DLG2: variants seen among roughly 807,000 people sequenced by gnomAD.
The protein encoded by DLG2 is disks large homolog 2.
DLG2 carries 45 observed loss-of-function variants against 132.5 expected under a neutral mutation model. The ratio of observed to expected loss-of-function variants is 0.34; its 90% CI spans 0.27 to 0.44. DLG2 has a LOEUF of 0.44. DLG2 is among the 20% of genes least tolerant of loss of function. DLG2 has a pLI of 1.00. For missense variants in DLG2, 1,045 were observed against 1,196.9 expected (o/e 0.87, Z 1.87); for synonymous variants, 424 against 419.6 (o/e 1.01, Z -0.13).
At chr11:85,317,235 A>G (rs756809031) in intron 3 of DLG2, among the ~76,000 whole-genome samples, 11 of 151,972 alleles carry the variant, frequency 7.2e-5, no homozygotes, top group Non-Finnish European at 1.6e-4. Flanking sequence ...CTGCAGACAT[A>G]GACGGGGCTC....
intron 6 of DLG2, among the ~76,000 whole-genome samples, chr11:84,931,023 T>G (rs1293933002): frequency 6.6e-6 from 1 of 152,022 alleles, no homozygotes; most frequent in Non-Finnish European, 1.5e-5. Flanking sequence ...GTCACTTATT[T>G]AACTGTCACT....
chr11:84,037,950 A>G (rs2095914250), intron 11 of DLG2, among the ~76,000 whole-genome samples: 1 of 151,886 alleles, frequency 6.6e-6, no homozygotes, highest in African/African-American at 2.4e-5. Context: ...CCATTTTTAA[A>G]CTTTGTGTTT....
chr11:84,375,165 A>T (rs1321613198), intron 7 of DLG2, among the ~76,000 whole-genome samples: 1 of 152,194 alleles, frequency 6.6e-6, no homozygotes, highest in Non-Finnish European at 1.5e-5. Flanking sequence ...AACACTTTTC[A>T]TAGTGGACTG....
chr11:85,089,918 C>T (rs1204638386), intron 6 of DLG2, among the ~76,000 whole-genome samples: 35 of 152,128 alleles, frequency 2.3e-4, no homozygotes, highest in Non-Finnish European at 7.4e-5. Context: ...AAAAAGTCAA[C>T]AAGTGACAGA....
chr11:83,625,327 G>A (rs1007262496), intron 19 of DLG2, among the ~76,000 whole-genome samples: 1 of 152,182 alleles, frequency 6.6e-6, no homozygotes, highest in Non-Finnish European at 1.5e-5. Context: ...GAAGCAGCTT[G>A]TACCACTGGA....
intron 15 of DLG2, among the ~76,000 whole-genome samples, chr11:83,891,169 A>G (rs1393186623): frequency 3.3e-5 from 5 of 152,168 alleles, no homozygotes; most frequent in African/African-American, 7.2e-5. Context: ...GGATATTCCT[A>G]GAAAGGTTGT....
At chr11:85,586,444 T>C (rs1365450550) in intron 3 of DLG2, among the ~76,000 whole-genome samples, 1 of 152,200 alleles carries the variant, frequency 6.6e-6, no homozygotes, top group Non-Finnish European at 1.5e-5. Context: ...AAGGGTTGTA[T>C]ATTTCTTGGA....
intron 6 of DLG2, among the ~76,000 whole-genome samples, chr11:84,651,299 A>T (rs911989686): frequency 1.3e-5 from 2 of 152,220 alleles, no homozygotes; most frequent in Admixed American, 6.5e-5. Context: ...TGTTCCAACT[A>T]TAAGAGTTAA....
intron 10 of DLG2, among the ~76,000 whole-genome samples, chr11:84,076,462 T>C (rs1015457291): frequency 6.6e-6 from 1 of 152,170 alleles, no homozygotes; most frequent in Non-Finnish European, 1.5e-5. Context: ...CGATTATTGC[T>C]ACATTTTCAA....
intron 3 of DLG2, among the ~76,000 whole-genome samples, chr11:85,478,575 G>C (rs897108028): frequency 3.3e-5 from 5 of 152,122 alleles, no homozygotes; most frequent in Admixed American, 2.6e-4. Flanking sequence ...TCTACTACTT[G>C]CTAATTATGT....
intron 3 of DLG2, among the ~76,000 whole-genome samples, chr11:85,591,359 C>T (rs1227294429): frequency 6.6e-6 from 1 of 152,182 alleles, no homozygotes; most frequent in Non-Finnish European, 1.5e-5. Context: ...CATTTTGAAT[C>T]CCTGTTCCAG....
intron 3 of DLG2, among the ~76,000 whole-genome samples, chr11:85,513,858 C>A (rs1303161187): frequency 6.6e-6 from 1 of 151,948 alleles, no homozygotes; most frequent in Non-Finnish European, 1.5e-5. Flanking sequence ...TCTCCCAAAT[C>A]CCCCAAATCT....
chr11:84,192,106 G>A (rs2096421090), intron 8 of DLG2, among the ~76,000 whole-genome samples: 1 of 152,066 alleles, frequency 6.6e-6, no homozygotes, highest in African/African-American at 2.4e-5. Context: ...CATGGGACAA[G>A]TAAGAAAACT....
chr11:83,627,049 G>T (rs552786817), intron 19 of DLG2, among the ~76,000 whole-genome samples: 10 of 152,122 alleles, frequency 6.6e-5, no homozygotes, highest in Admixed American at 3.3e-4. Context: ...CCAATTCTGT[G>T]GTCTCTCTGT....
chr11:85,274,934 C>T (rs1247666812), intron 4 of DLG2, among the ~76,000 whole-genome samples: 1 of 152,094 alleles, frequency 6.6e-6, no homozygotes, highest in African/African-American at 2.4e-5. Flanking sequence ...CCCTTTCTGT[C>T]CAGACATATT....
intron 3 of DLG2, among the ~76,000 whole-genome samples, chr11:85,550,957 T>A (rs2076628425): frequency 6.6e-6 from 1 of 152,206 alleles, no homozygotes; most frequent in Non-Finnish European, 1.5e-5. Context: ...GAAACAATTG[T>A]GTCTAACAGT....
At chr11:84,747,002 T>C (rs989091961) in intron 6 of DLG2, among the ~76,000 whole-genome samples, 1 of 152,164 alleles carries the variant, frequency 6.6e-6, no homozygotes, top group African/African-American at 2.4e-5. Flanking sequence ...GATCTCCAAA[T>C]GAATCACATG....
intron 17 of DLG2, among the ~76,000 whole-genome samples, chr11:83,822,480 G>A (rs1035479254): frequency 1.3e-5 from 2 of 152,258 alleles, no homozygotes; most frequent in Middle Eastern, 3.4e-3. Context: ...AGGAGGCACA[G>A]CCTTACCCCC....
chr11:85,170,452 C>T (rs1373334837), intron 4 of DLG2, among the ~76,000 whole-genome samples: 1 of 152,082 alleles, frequency 6.6e-6, no homozygotes, highest in Admixed American at 6.6e-5. Context: ...GAGAGTAATT[C>T]TGCTTTCTAT....
Sources: gnomAD v4.1 joint callset for allele counts (sites outside exome capture counted in the v4.1 genomes callset) on GRCh38, gnomAD v4.1.1 for gene constraint, MANE v1.5 for transcripts, NCBI Gene and HGNC (gene_info 2026-07-23, HGNC 2026-07-21) for gene names.